AGAP1: variants seen among roughly 807,000 people sequenced by gnomAD.
AGAP1 encodes the protein arf-GAP with GTPase, ANK repeat and PH domain-containing protein 1.
In AGAP1, 29 loss-of-function variants were observed where a neutral mutation model predicts 105.3. The ratio of observed to expected loss-of-function variants is 0.28; its 90% CI spans 0.21 to 0.38. The LOEUF is 0.38. Among genes scored for constraint, AGAP1 ranks in the 10% least tolerant of loss-of-function variants. The pLI is 1.00. For synonymous variants in AGAP1, 509 were observed against 485.9 expected, an observed-to-expected ratio of 1.05 and a Z score of -0.63; for missense variants, 998 against 1,165.1, an observed-to-expected ratio of 0.86 and a Z score of 2.09.
intron 1 of AGAP1, among the ~76,000 whole-genome samples, chr2:235,684,426 GA>G (rs1949269726): frequency 1.3e-5 from 2 of 152,088 alleles, no homozygotes; most frequent in Non-Finnish European, 2.9e-5. Flanking sequence ...TCTCAGTTTG[GA>G]AAAAACCGTC....
In AGAP1 at chr2:235,751,264, G is replaced by A. The variant is rs1187600339; in HGVS notation, c.673+776G>A. Among the ~76,000 whole-genome samples, 1 of 152,182 alleles carries A rather than the reference G, an allele frequency of 6.6e-6. No individual in the cohort carries two copies. The highest frequency in any genetic ancestry group is 1.9e-4 in the East Asian group (1 of 5,192). ...ATACTTCTAAAGCCAGTCTTTTCAA[G>A]TTGGAAGCTTGGGAGAGGCATGGTT... On this transcript the variant is annotated intron_variant, in intron 6 of 17. Coordinates refer to ENST00000304032, the MANE Select transcript of AGAP1 (RefSeq NM_001037131.3). This position sits in a 1 kb window ranked among gnomAD's most constrained non-coding sequence, Gnocchi z 5.3.
chr2:235,961,911 G>A lies in AGAP1; in HGVS notation c.1484-6551G>A, dbSNP rs2054203600. Among the ~76,000 whole-genome samples, 1 of 152,132 alleles carries A rather than the reference G, an allele frequency of 6.6e-6. No homozygotes were observed. The highest frequency in any genetic ancestry group is 2.1e-4 in the South Asian group (1 of 4,828). Reference sequence around the variant, plus strand: ...GAGATGACAGCTCATGTTTAGTGCCGGGTGCTGGGTGAGCGAGGGTGGGTG... The same window carrying A: ...GAGATGACAGCTCATGTTTAGTGCCAGGTGCTGGGTGAGCGAGGGTGGGTG... On this transcript the variant is annotated intron_variant, in intron 12 of 17. Coordinates refer to ENST00000304032, the MANE Select transcript of AGAP1 (RefSeq NM_001037131.3). The surrounding 1 kb of genome is among the most constrained non-coding windows in gnomAD (Gnocchi z 5.9).
In AGAP1 at chr2:235,716,187, G is replaced by A. The variant is rs938873941; in HGVS notation, c.223-1370G>A. ...GGTTGGATGTGGACAGGCGCATGTT[G>A]GGACATTAGAGTGGAGGATCAGCTG... On this transcript the variant is annotated intron_variant, in intron 2 of 17. Coordinates refer to ENST00000304032, the MANE Select transcript of AGAP1 (RefSeq NM_001037131.3). This position sits in a 1 kb window ranked among gnomAD's most constrained non-coding sequence, Gnocchi z 4.0. 2.6e-5 allele frequency among the ~76,000 whole-genome samples: 4 copies of A among 152,210 alleles called. No individual in the cohort carries two copies. Among genetic ancestry groups the A allele is most frequent in the African/African-American group, 9.6e-5 (4 of 41,456 alleles).
chr2:235,999,620 A>ATGG (rs1176176136), intron 13 of AGAP1, among the ~76,000 whole-genome samples: 82 of 123,158 alleles, frequency 6.7e-4, no homozygotes, highest in African/African-American at 2.1e-3. Flanking sequence ...GGTGGTGATG[A>ATGG]TGGTGGTAGT....
rs2053818459 is a variant in AGAP1, at chr2:235,953,309, CCTT to C, written c.1484-15150_1484-15148del. 6.6e-6 allele frequency among the ~76,000 whole-genome samples: 1 copy of C among 152,154 alleles called. No homozygotes were observed. The highest frequency in any genetic ancestry group is 2.4e-5 in the African/African-American group (1 of 41,440). ...AGTACCCCGATGGTTCCCACAGTTGCCTTCTAACATAACAAAAGGTTACATGTG... is the reference window on the plus strand; with the variant it reads ...AGTACCCCGATGGTTCCCACAGTTGCCTAACATAACAAAAGGTTACATGTG... On this transcript the variant is annotated intron_variant, in intron 12 of 17. Transcript: ENST00000304032. This position sits in a 1 kb window ranked among gnomAD's most constrained non-coding sequence, Gnocchi z 5.2.
intron 6 of AGAP1, among the ~76,000 whole-genome samples, chr2:235,779,539 C>T (rs893902822): frequency 2.6e-5 from 4 of 152,162 alleles, no homozygotes; most frequent in African/African-American, 9.7e-5. Context: ...GCTGGCTCTC[C>T]GGGTTCTGCC....
chr2:235,576,071 G>A (rs956740776), intron 1 of AGAP1, among the ~76,000 whole-genome samples: 1 of 152,194 alleles, frequency 6.6e-6, no homozygotes, highest in Admixed American at 6.5e-5. Context: ...CCGCTGTGTG[G>A]CAGAGACCAA....
rs919694675 is a variant in AGAP1, at chr2:235,608,464, A to G, written c.164-100715A>G. Among the ~76,000 whole-genome samples the G allele has an allele frequency of 2.6e-5, 4 of 152,218 alleles. No individual in the cohort carries two copies. Among genetic ancestry groups the G allele is most frequent in the African/African-American group, 4.8e-5 (2 of 41,546 alleles). On this transcript the variant is annotated intron_variant, in intron 1 of 17. Coordinates refer to ENST00000304032, the MANE Select transcript of AGAP1 (RefSeq NM_001037131.3). This position sits in a 1 kb window ranked among gnomAD's most constrained non-coding sequence, Gnocchi z 5.4. ...ATGGAGACCTGGAGATGCTCAGGGA[A>G]GGGGGTGGTCAGGCCCTGGGTCCCA... is the stretch of plus-strand genomic sequence containing the variant.
At position 235,957,775 on chromosome 2, in the gene AGAP1, C is replaced by T. The variant is rs564419112; in HGVS notation, c.1484-10687C>T. 3.3e-5 allele frequency among the ~76,000 whole-genome samples: 5 copies of T among 152,240 alleles called. No homozygotes were observed. The highest frequency in any genetic ancestry group is 1.9e-4 in the East Asian group (1 of 5,180). ...TCCAAATTAGCTTTATATCGTTGGC[C>T]GTGTATCAAAGGAAGTGCGTTTTAA... On this transcript the variant is annotated intron_variant, in intron 12 of 17. Coordinates refer to ENST00000304032, the MANE Select transcript of AGAP1 (RefSeq NM_001037131.3). The surrounding 1 kb of genome is among the most constrained non-coding windows in gnomAD (Gnocchi z 4.6).
intron 13 of AGAP1, among the ~76,000 whole-genome samples, chr2:235,995,736 C>G (rs192235606): frequency 6.6e-6 from 1 of 152,316 alleles, no homozygotes; most frequent in East Asian, 1.9e-4. Context: ...AGGATTCCAT[C>G]TCTCTGTCTC....
intron 1 of AGAP1, among the ~76,000 whole-genome samples, chr2:235,658,124 A>G (rs745458298): frequency 3.9e-5 from 6 of 152,264 alleles, no homozygotes; most frequent in Admixed American, 6.5e-5. Context: ...TGTTATGAAC[A>G]TTAAAATCTT....
chr2:235,674,916 T>G (rs1948642823), intron 1 of AGAP1, among the ~76,000 whole-genome samples: 1 of 151,988 alleles, frequency 6.6e-6, no homozygotes, highest in African/African-American at 2.4e-5. Context: ...CTCCATCTCT[T>G]GACCTCTTGA....
chr2:235,916,656 C>T (rs760870873), intron 11 of AGAP1, among the ~76,000 whole-genome samples: 13 of 152,204 alleles, frequency 8.5e-5, no homozygotes, highest in Admixed American at 2.6e-4. Flanking sequence ...ATGATGTCCA[C>T]CTCTGTTCTA....
chr2:235,893,185 C>T lies in AGAP1; in HGVS notation c.1155+9736C>T, dbSNP rs115281193. Reference sequence around the variant, plus strand: ...ATAAGGGAGCGCTGTGTCTTTGGCGCGGGTGTGGCGTGGGTGTGCCATGTC... The same window carrying T: ...ATAAGGGAGCGCTGTGTCTTTGGCGTGGGTGTGGCGTGGGTGTGCCATGTC... On this transcript the variant is annotated intron_variant, in intron 10 of 17. Coordinates refer to ENST00000304032, the MANE Select transcript of AGAP1 (RefSeq NM_001037131.3). This position sits in a 1 kb window ranked among gnomAD's most constrained non-coding sequence, Gnocchi z 4.7. 0.027 allele frequency among the ~76,000 whole-genome samples: 4,033 copies of T among 149,532 alleles called. 114 individuals carry two copies. The highest frequency in any genetic ancestry group is 0.095 in the South Asian group (440 of 4,652).
rs1027952066 is a variant in AGAP1, at chr2:236,126,350, T to C, written c.*2228T>C. On this transcript the variant is annotated 3_prime_UTR_variant, in exon 18 of 18. Transcript: ENST00000304032. ...CTAGACACACTCGCTCCACACAGCC[T>C]TCACCGTAGACTCTGTAGTGGACAC... 1 of 152,226 alleles carries C rather than the reference T, an allele frequency of 6.6e-6. No homozygotes were observed. Among genetic ancestry groups the C allele is most frequent in the Non-Finnish European group, 1.5e-5 (1 of 68,048 alleles). The allele number at this position is 152,226 out of a possible 1,614,324, so 9.4% of individuals were successfully genotyped here. A position where few individuals can be genotyped will look rare whatever the true frequency, so the allele number is the denominator to read the frequency against.
In AGAP1 at chr2:235,566,897, C is replaced by A. The variant is rs1944363498; in HGVS notation, c.163+72048C>A. ...AGGTGTGCCCAGAGCTGTGCTCCCT[C>A]CAGAGGATAGAGCAGGATTCCTCCT... On this transcript the variant is annotated intron_variant, in intron 1 of 17. Transcript: ENST00000304032. The surrounding 1 kb of genome is among the most constrained non-coding windows in gnomAD (Gnocchi z 5.2). 6.6e-6 allele frequency among the ~76,000 whole-genome samples: 1 copy of A among 152,212 alleles called. No individual in the cohort carries two copies. Among genetic ancestry groups the A allele is most frequent in the Non-Finnish European group, 1.5e-5 (1 of 68,030 alleles).
At chr2:235,890,562 G>A (rs1225520527) in intron 10 of AGAP1, among the ~76,000 whole-genome samples, 1 of 152,216 alleles carries the variant, frequency 6.6e-6, no homozygotes, top group Non-Finnish European at 1.5e-5. Flanking sequence ...CACAGAGTAT[G>A]TTCAGCCACC....
At chr2:235,861,048 T>A (rs529415032) in intron 9 of AGAP1, among the ~76,000 whole-genome samples, 1 of 152,214 alleles carries the variant, frequency 6.6e-6, no homozygotes, top group South Asian at 2.1e-4. Flanking sequence ...CCCACTAATA[T>A]GTTACAGGAA....
chr2:235,990,460 T>A (rs1436804845), intron 13 of AGAP1, among the ~76,000 whole-genome samples: 1 of 152,210 alleles, frequency 6.6e-6, no homozygotes, highest in Non-Finnish European at 1.5e-5. Flanking sequence ...CGAATCCCAG[T>A]CACTCGTGTG....
Sources: gnomAD v4.1 joint callset for allele counts (sites outside exome capture counted in the v4.1 genomes callset) on GRCh38, gnomAD v4.1.1 for gene constraint, Gnocchi (gnomAD v3.1) non-coding constraint, MANE v1.5 for transcripts, NCBI Gene and HGNC (gene_info 2026-07-23, HGNC 2026-07-21) for gene names.